The following CDH12 variants were observed in gnomAD, a reference collection of about 807,000 sequenced individuals.
CDH12 encodes cadherin 12.
A neutral mutation model predicts 74.1 loss-of-function variants in CDH12; 41 were observed. The ratio of observed to expected loss-of-function variants is 0.55; its 90% CI spans 0.43 to 0.72. The LOEUF (loss-of-function observed/expected upper bound fraction) is 0.72. CDH12 is among the 30% of genes least tolerant of loss of function. The probability of loss-of-function intolerance (pLI) is 0.00; values close to 1 mark genes in which losing one functional copy is unlikely to be tolerated. For missense variants in CDH12, 945 were observed against 977.2 expected (o/e 0.97, Z 0.44); for synonymous variants, 399 against 355.0 (o/e 1.12, Z -1.39).
chr5:22,092,699 T>C (rs1743506236), intron 4 of CDH12, among the ~76,000 whole-genome samples: 1 of 152,150 alleles, frequency 6.6e-6, no homozygotes, highest in Non-Finnish European at 1.5e-5. Flanking sequence ...TTCCTCAAAA[T>C]GTTAAAATAT....
intron 1 of CDH12, among the ~76,000 whole-genome samples, chr5:22,784,042 G>C (rs1163804846): frequency 2.6e-5 from 4 of 151,812 alleles, no homozygotes; most frequent in African/African-American, 4.8e-5. Flanking sequence ...GGGCAGTCCT[G>C]ATTATTTTTC....
chr5:22,529,186 TATAGAGAGAGAGAGAGAG>T lies in CDH12; in HGVS notation c.-522-23840_-522-23823del, dbSNP rs1443208176. ...ATGTGTATATATATATATATATATATATAGAGAGAGAGAGAGAGAGAGAGAGAGAGAGAGAGAGAAGAG... is the reference window on the plus strand; with the variant it reads ...ATGTGTATATATATATATATATATATAGAGAGAGAGAGAGAGAGAGAAGAG... On this transcript the variant is annotated intron_variant, in intron 1 of 14. Coordinates refer to ENST00000382254, the MANE Select transcript of CDH12 (RefSeq NM_004061.5). 6.4e-3 allele frequency among the ~76,000 whole-genome samples: 448 copies of T among 69,560 alleles called. 3 individuals are homozygous for T. The highest frequency in any genetic ancestry group is 0.018 in the African/African-American group (360 of 20,130). 45.6% of individuals were successfully genotyped at this position (69,560 alleles called of 152,430 possible).
At chr5:22,266,886 G>C (rs1014253476) in intron 3 of CDH12, among the ~76,000 whole-genome samples, 12 of 152,010 alleles carry the variant, frequency 7.9e-5, no homozygotes, top group African/African-American at 2.9e-4. Flanking sequence ...TTTTTCTTTT[G>C]TCAAATGCAA....
intron 3 of CDH12, among the ~76,000 whole-genome samples, chr5:22,380,576 A>C (rs1741718506): frequency 6.6e-6 from 1 of 152,096 alleles, no homozygotes; most frequent in Non-Finnish European, 1.5e-5. Context: ...AATAGAATTA[A>C]TTATTTTGAG....
chr5:22,605,729 C>T (rs1737080366), intron 1 of CDH12, among the ~76,000 whole-genome samples: 1 of 152,220 alleles, frequency 6.6e-6, no homozygotes, highest in Non-Finnish European at 1.5e-5. Flanking sequence ...CATCGCTCCA[C>T]CAGCCCATAG....
chr5:22,082,072 C>T (rs111421110), intron 4 of CDH12, among the ~76,000 whole-genome samples: 1,640 of 152,200 alleles, frequency 0.011, 31 homozygotes, highest in African/African-American at 0.038. Flanking sequence ...TGTCTTCCAC[C>T]CACAAATTTT....
intron 5 of CDH12, among the ~76,000 whole-genome samples, chr5:22,077,955 G>A (rs1742444614): frequency 1.3e-5 from 2 of 152,024 alleles, no homozygotes; most frequent in South Asian, 4.2e-4. Flanking sequence ...AATCCAAATG[G>A]CACATCACAT....
chr5:22,592,434 TCTC>T (rs1017510753), intron 1 of CDH12, among the ~76,000 whole-genome samples: 1 of 152,180 alleles, frequency 6.6e-6, no homozygotes, highest in South Asian at 2.1e-4. Flanking sequence ...GTTGCCATCT[TCTC>T]CTTCTTCTAG....
intron 10 of CDH12, among the ~76,000 whole-genome samples, chr5:21,785,912 A>G (rs1020992112): frequency 6.6e-6 from 1 of 152,230 alleles, no homozygotes; most frequent in Non-Finnish European, 1.5e-5. Flanking sequence ...CTATTGCAAG[A>G]AGATGCCATC....
intron 6 of CDH12, among the ~76,000 whole-genome samples, chr5:21,869,534 T>A (rs1449625092): frequency 6.6e-6 from 1 of 152,158 alleles, no homozygotes; most frequent in Non-Finnish European, 1.5e-5. Context: ...TACTTGTTTT[T>A]CTTTATGTTT....
At chr5:22,565,901 A>T (rs1443811719) in intron 1 of CDH12, among the ~76,000 whole-genome samples, 2 of 152,182 alleles carry the variant, frequency 1.3e-5, no homozygotes, top group East Asian at 3.9e-4. Context: ...ATGAAGCCAT[A>T]AGAAGTAATA....
At chr5:21,763,562 G>A (rs915776653) in intron 12 of CDH12, among the ~76,000 whole-genome samples, 3 of 152,166 alleles carry the variant, frequency 2.0e-5, no homozygotes, top group South Asian at 2.1e-4. Flanking sequence ...GAATAGTTAC[G>A]CTATTTAAAG....
At chr5:22,238,536 T>A (rs1189812184) in intron 3 of CDH12, among the ~76,000 whole-genome samples, 2 of 152,150 alleles carry the variant, frequency 1.3e-5, no homozygotes, top group Non-Finnish European at 2.9e-5. Flanking sequence ...GACCTTACTA[T>A]GAGAGCAAGT....
chr5:22,084,738 G>C (rs1561093413), intron 4 of CDH12, among the ~76,000 whole-genome samples: 1 of 152,124 alleles, frequency 6.6e-6, no homozygotes, highest in Non-Finnish European at 1.5e-5. Flanking sequence ...ACGGTTGTCA[G>C]CCAGGGAGCT....
intron 1 of CDH12, among the ~76,000 whole-genome samples, chr5:22,518,915 G>A (rs1177642256): frequency 1.3e-5 from 2 of 152,110 alleles, no homozygotes; most frequent in Admixed American, 6.6e-5. Flanking sequence ...AGAAGCTCTT[G>A]GGAGACAGGC....
chr5:22,699,326 A>C (rs1742587338), intron 1 of CDH12, among the ~76,000 whole-genome samples: 1 of 151,436 alleles, frequency 6.6e-6, no homozygotes, highest in African/African-American at 2.5e-5. Context: ...ACAATTATTT[A>C]GAAATGATAC....
At chr5:21,793,943 A>C (rs1746638727) in intron 10 of CDH12, among the ~76,000 whole-genome samples, 1 of 150,304 alleles carries the variant, frequency 6.7e-6, no homozygotes, top group East Asian at 1.9e-4. Context: ...TTATTATTAT[A>C]TAGTTGGGAC....
intron 4 of CDH12, among the ~76,000 whole-genome samples, chr5:22,211,715 T>C (rs926781872): frequency 1.3e-5 from 2 of 151,900 alleles, no homozygotes; most frequent in African/African-American, 4.8e-5. Flanking sequence ...ATAGGAAATG[T>C]AAGCTTCACT....
At chr5:22,433,222 C>T (rs150207362) in intron 2 of CDH12, among the ~76,000 whole-genome samples, 102 of 152,120 alleles carry the variant, frequency 6.7e-4, no homozygotes, top group African/African-American at 2.2e-3. Flanking sequence ...TCTACTTTCC[C>T]GCATTATTTA....
Sources: gnomAD v4.1 joint callset for allele counts (sites outside exome capture counted in the v4.1 genomes callset) on GRCh38, gnomAD v4.1.1 for gene constraint, MANE v1.5 for transcripts, NCBI Gene and HGNC (gene_info 2026-07-23, HGNC 2026-07-21) for gene names.